Variants in MACROD2 observed in about 807,000 individuals in gnomAD.
MACROD2 encodes ADP-ribose glycohydrolase MACROD2.
In MACROD2, 36 loss-of-function variants were observed where a neutral mutation model predicts 70.4. The ratio of observed to expected loss-of-function variants is 0.51; its 90% CI spans 0.39 to 0.68. MACROD2 has a LOEUF of 0.68. Ranked by LOEUF, MACROD2 falls within the 30% of genes least tolerant of loss-of-function variation. The pLI, the probability that MACROD2 is intolerant of heterozygous loss-of-function variation, is 0.00. For synonymous variants in MACROD2, 172 were observed against 178.8 expected, an observed-to-expected ratio of 0.96 and a Z score of 0.30; for missense variants, 496 against 538.4, an observed-to-expected ratio of 0.92 and a Z score of 0.78.
At chr20:14,053,577 T>C (rs2053597343) in intron 2 of MACROD2, 1 of 152,154 alleles carries the variant, frequency 6.6e-6, no homozygotes, top group Admixed American at 6.5e-5. Context: ...GTACAGTGTG[T>C]TTATCACGAG....
intron 5 of MACROD2, among the ~76,000 whole-genome samples, chr20:15,106,353 C>A (rs2075910703): frequency 6.6e-6 from 1 of 151,994 alleles, no homozygotes; most frequent in South Asian, 2.1e-4. Context: ...CTTTAAGAGT[C>A]TTAACAAGAA....
intron 7 of MACROD2, among the ~76,000 whole-genome samples, chr20:15,457,489 T>C (rs992507136): frequency 2.0e-5 from 3 of 152,106 alleles, no homozygotes; most frequent in Non-Finnish European, 4.4e-5. Flanking sequence ...GGTGGAAATA[T>C]AAGGCAACTG....
At position 14,528,068 on chromosome 20, in the gene MACROD2, A is replaced by G. The variant is rs866057595; in HGVS notation, c.301+34560A>G. Among the ~76,000 whole-genome samples the G allele has an allele frequency of 2.0e-5, 3 of 151,878 alleles. No homozygotes were observed. In the South Asian group the frequency reaches 6.2e-4, roughly 31 times the overall value. On this transcript the variant is annotated intron_variant, in intron 4 of 17. Transcript: ENST00000684519. The stretch of plus-strand genomic sequence containing the variant: ...CTTATATAATCTTATTTTAATCTCA[A>G]TATAAGATAAAATCTGACCTTTAAT...
intron 8 of MACROD2, among the ~76,000 whole-genome samples, chr20:15,593,455 G>A (rs1394118206): frequency 6.6e-6 from 1 of 152,156 alleles, no homozygotes; most frequent in Non-Finnish European, 1.5e-5. Context: ...TGGCACAATG[G>A]CATTTATTGC....
chr20:15,450,095 A>T (rs1259118900), intron 7 of MACROD2, among the ~76,000 whole-genome samples: 1 of 152,188 alleles, frequency 6.6e-6, no homozygotes, highest in Non-Finnish European at 1.5e-5. Context: ...ATACAGGTAT[A>T]CATAGATATC....
At chr20:15,844,602 C>T (rs115784312) in intron 8 of MACROD2, among the ~76,000 whole-genome samples, 233 of 152,276 alleles carry the variant, frequency 1.5e-3, no homozygotes, top group African/African-American at 5.5e-3. Flanking sequence ...CTTCACCGTA[C>T]ACCTAGTGTT....
At chr20:14,915,833 G>A (rs2074085031) in intron 5 of MACROD2, among the ~76,000 whole-genome samples, 1 of 152,164 alleles carries the variant, frequency 6.6e-6, no homozygotes. Flanking sequence ...TAAGGTAGCT[G>A]CGAGTCATCA....
intron 12 of MACROD2, among the ~76,000 whole-genome samples, chr20:15,960,685 C>T (rs944881219): frequency 7.2e-5 from 11 of 152,278 alleles, no homozygotes; most frequent in Admixed American, 6.5e-4. Context: ...TCAGAAACAT[C>T]TCCCTGAAGG....
chr20:15,177,577 C>A (rs142386493), intron 5 of MACROD2, among the ~76,000 whole-genome samples: 90 of 152,250 alleles, frequency 5.9e-4, no homozygotes, highest in Non-Finnish European at 6.9e-4. Context: ...AACTTTAAGA[C>A]TGAACTCTGC....
At chr20:14,954,189 G>T (rs1184243268) in intron 5 of MACROD2, among the ~76,000 whole-genome samples, 1 of 151,972 alleles carries the variant, frequency 6.6e-6, no homozygotes. Flanking sequence ...ACCTGGGACA[G>T]CTTATAAACT....
intron 8 of MACROD2, among the ~76,000 whole-genome samples, chr20:15,827,560 C>T (rs773893388): frequency 1.3e-5 from 2 of 152,146 alleles, no homozygotes; most frequent in South Asian, 4.1e-4. Flanking sequence ...GCTATGTTTA[C>T]GTACATACCT....
chr20:15,639,109 AAC>A (rs1192988191), intron 8 of MACROD2, among the ~76,000 whole-genome samples: 2 of 151,678 alleles, frequency 1.3e-5, no homozygotes, highest in African/African-American at 4.9e-5. Context: ...CAGTGGAAGG[AAC>A]ACTGTTACAA....
chr20:14,015,152 T>C (rs2052970040), intron 2 of MACROD2, among the ~76,000 whole-genome samples: 1 of 152,202 alleles, frequency 6.6e-6, no homozygotes, highest in African/African-American at 2.4e-5. Flanking sequence ...AGCTTTTTAA[T>C]TATGGTAAAA....
intron 4 of MACROD2, among the ~76,000 whole-genome samples, chr20:14,598,765 C>G (rs961939463): frequency 6.6e-6 from 1 of 152,144 alleles, no homozygotes; most frequent in African/African-American, 2.4e-5. Flanking sequence ...TGGAGGCTGT[C>G]AGACTTCCTT....
At chr20:16,008,216 C>A (rs534527553) in intron 15 of MACROD2, among the ~76,000 whole-genome samples, 1 of 152,314 alleles carries the variant, frequency 6.6e-6, no homozygotes, top group African/African-American at 2.4e-5. Context: ...TCCTATAGCG[C>A]CCCCTATACT....
At chr20:15,139,933 G>C (rs532977811) in intron 5 of MACROD2, among the ~76,000 whole-genome samples, 2 of 152,138 alleles carry the variant, frequency 1.3e-5, no homozygotes, top group African/African-American at 4.8e-5. Flanking sequence ...GATGCAGTTC[G>C]CAACTGAAAA....
chr20:14,911,252 A>C (rs2074023510), intron 5 of MACROD2, among the ~76,000 whole-genome samples: 1 of 152,188 alleles, frequency 6.6e-6, no homozygotes, highest in South Asian at 2.1e-4. Context: ...GTGGTTTTAA[A>C]GGTTAAAAAC....
At chr20:15,739,934 G>T (rs988534106) in intron 8 of MACROD2, among the ~76,000 whole-genome samples, 1 of 152,226 alleles carries the variant, frequency 6.6e-6, no homozygotes, top group African/African-American at 2.4e-5. Flanking sequence ...TTAGGATATT[G>T]TCTGACACAT....
intron 6 of MACROD2, among the ~76,000 whole-genome samples, chr20:15,354,365 G>A (rs926365238): frequency 6.6e-5 from 10 of 152,122 alleles, no homozygotes; most frequent in African/African-American, 1.7e-4. Flanking sequence ...TGGGGGTAGC[G>A]GGGAGGGATA....
Sources: gnomAD v4.1 joint callset for allele counts (sites outside exome capture counted in the v4.1 genomes callset) on GRCh38, gnomAD v4.1.1 for gene constraint, MANE v1.5 for transcripts, NCBI Gene and HGNC (gene_info 2026-07-23, HGNC 2026-07-21) for gene names.